The following SFMBT2 variants were observed in gnomAD, a reference collection of about 807,000 sequenced individuals.
SFMBT2 encodes Scm like with four mbt domains 2, also known as scm-like with four MBT domains protein 2.
Under a neutral mutation model 110.1 loss-of-function variants are expected in SFMBT2, and 38 were observed. The ratio of observed to expected loss-of-function variants is 0.35; its 90% confidence interval spans 0.27 to 0.45. The LOEUF (loss-of-function observed/expected upper bound fraction) is 0.45. SFMBT2 is among the 20% of genes least tolerant of loss of function. The probability of loss-of-function intolerance (pLI) is 1.00; values close to 1 mark genes in which losing one functional copy is unlikely to be tolerated. For missense variants in SFMBT2, 1,011 were observed against 1,094.9 expected, an observed-to-expected ratio of 0.92 and a Z score of 1.08; for synonymous variants, 425 against 425.4, an observed-to-expected ratio of 1.00 and a Z score of 0.01.
intron 16 of SFMBT2, among the ~76,000 whole-genome samples, chr10:7,183,914 T>A (rs1474762988): frequency 6.6e-6 from 1 of 152,172 alleles, no homozygotes; most frequent in Non-Finnish European, 1.5e-5. Flanking sequence ...GAGCACTCCC[T>A]CGGTATGAGG....
At chr10:7,194,678 C>A (rs1838714645) in intron 15 of SFMBT2, among the ~76,000 whole-genome samples, 1 of 152,210 alleles carries the variant, frequency 6.6e-6, no homozygotes, top group African/African-American at 2.4e-5. Flanking sequence ...GTGGCACTTA[C>A]ATTTTTCTTG....
chr10:7,226,269 T>C (rs1839893945), intron 10 of SFMBT2, among the ~76,000 whole-genome samples: 2 of 152,216 alleles, frequency 1.3e-5, no homozygotes, highest in African/African-American at 2.4e-5. Context: ...CGTTCAATCA[T>C]AGAAGGATCC....
intron 7 of SFMBT2, among the ~76,000 whole-genome samples, chr10:7,270,425 G>A (rs1841545673): frequency 6.6e-6 from 1 of 152,126 alleles, no homozygotes; most frequent in African/African-American, 2.4e-5. Context: ...CTAAGAAAAT[G>A]ATGTTCTCAC....
Position 7,367,503 on chromosome 10 carries a change from C to A in SFMBT2, c.436+146G>T. 7.4e-7 allele frequency: 1 copy of A among 1,360,340 alleles called. No homozygotes were observed. The highest frequency in any genetic ancestry group is 9.7e-7 in the Non-Finnish European group (1 of 1,028,354). 84.3% of individuals were successfully genotyped at this position (1,360,340 alleles called of 1,614,324 possible). On this transcript the variant is annotated intron_variant, in intron 4 of 20. Coordinates refer to ENST00000397167, the MANE Select transcript of SFMBT2 (RefSeq NM_001387889.1). This position sits in a 1 kb window ranked among gnomAD's most constrained non-coding sequence, Gnocchi z 6.2. ...CTGATCTCCCTCCAGCTAAGGAAACCTGAGAAACCACTCTGAAAGAACTGT... is the reference window on the plus strand; with the variant it reads ...CTGATCTCCCTCCAGCTAAGGAAACATGAGAAACCACTCTGAAAGAACTGT...
chr10:7,211,755 T>C (rs1839357249), intron 11 of SFMBT2, among the ~76,000 whole-genome samples: 1 of 152,226 alleles, frequency 6.6e-6, no homozygotes, highest in African/African-American at 2.4e-5. Flanking sequence ...ATGTAATTGT[T>C]TTCACGTTTA....
At chr10:7,406,285 G>A (rs918172212) in intron 1 of SFMBT2, among the ~76,000 whole-genome samples, 1 of 152,026 alleles carries the variant, frequency 6.6e-6, no homozygotes. Context: ...CTGATAATCT[G>A]ACAAAAATTT....
intron 7 of SFMBT2, among the ~76,000 whole-genome samples, chr10:7,273,201 A>G (rs1841655150): frequency 6.6e-6 from 1 of 152,244 alleles, no homozygotes; most frequent in Non-Finnish European, 1.5e-5. Flanking sequence ...AGCCACTTTT[A>G]GTGAGAAGGA....
At chr10:7,269,459 T>A (rs1841502600) in intron 7 of SFMBT2, among the ~76,000 whole-genome samples, 1 of 152,006 alleles carries the variant, frequency 6.6e-6, no homozygotes, top group Non-Finnish European at 1.5e-5. Flanking sequence ...TCATCTAAAG[T>A]GTAAAAATAA....
At chr10:7,257,742 A>C (rs1031257213) in intron 7 of SFMBT2, among the ~76,000 whole-genome samples, 11 of 152,170 alleles carry the variant, frequency 7.2e-5, no homozygotes, top group Non-Finnish European at 1.6e-4. Context: ...GCTATCACAG[A>C]CTCCGAAAAT....
At chr10:7,198,031 A>C (rs1838834513) in intron 14 of SFMBT2, 2 of 985,456 alleles carry the variant, frequency 2.0e-6, no homozygotes, top group Non-Finnish European at 2.4e-6. Flanking sequence ...GGAAATTCTG[A>C]TGCATTTTTC....
intron 7 of SFMBT2, among the ~76,000 whole-genome samples, chr10:7,253,570 A>G (rs780284304): frequency 3.9e-5 from 6 of 152,188 alleles, no homozygotes; most frequent in Non-Finnish European, 7.3e-5. Context: ...ACAGAAATGC[A>G]TCTGTTTTTC....
intron 2 of SFMBT2, among the ~76,000 whole-genome samples, chr10:7,377,557 T>A (rs1845273853): frequency 6.6e-6 from 1 of 152,162 alleles, no homozygotes; most frequent in Non-Finnish European, 1.5e-5. Context: ...AACTAGACAG[T>A]CCCATCTGGG....
rs1023079330 is a variant in SFMBT2, at chr10:7,408,582, C to T, written c.-52+2279G>A. 5.9e-5 allele frequency among the ~76,000 whole-genome samples: 9 copies of T among 152,318 alleles called. No homozygotes were observed. Among genetic ancestry groups the T allele is most frequent in the Admixed American group, 4.6e-4 (7 of 15,312 alleles). Reference sequence around the variant, plus strand: ...GCCCCCGCCAGCCCCGGGGACCGTGCGCGGCCTCCGTGTGGCCCCCGCCCA... The same window carrying T: ...GCCCCCGCCAGCCCCGGGGACCGTGTGCGGCCTCCGTGTGGCCCCCGCCCA... On this transcript the variant is annotated intron_variant, in intron 1 of 20. Coordinates refer to ENST00000397167, the MANE Select transcript of SFMBT2 (RefSeq NM_001387889.1). The surrounding 1 kb of genome is among the most constrained non-coding windows in gnomAD (Gnocchi z 5.7).
intron 9 of SFMBT2, among the ~76,000 whole-genome samples, chr10:7,235,454 C>T (rs1329048471): frequency 4.6e-5 from 7 of 151,776 alleles, no homozygotes; most frequent in East Asian, 1.9e-4. Flanking sequence ...AGAGTGCTTC[C>T]GCCAGTCTAA....
At chr10:7,324,799 A>C (rs1028498897) in intron 4 of SFMBT2, among the ~76,000 whole-genome samples, 2 of 152,042 alleles carry the variant, frequency 1.3e-5, no homozygotes, top group Non-Finnish European at 2.9e-5. Flanking sequence ...CCATCTTGCT[A>C]CGTGTTCACA....
At chr10:7,283,129 A>AT (rs1588415972) in intron 6 of SFMBT2, among the ~76,000 whole-genome samples, 1 of 152,190 alleles carries the variant, frequency 6.6e-6, no homozygotes, top group African/African-American at 2.4e-5. Flanking sequence ...AACATGCAGC[A>AT]TTTTTTTAGA....
At chr10:7,302,481 AACCCTTG>A (rs1374090176) in intron 4 of SFMBT2, among the ~76,000 whole-genome samples, 10 of 152,366 alleles carry the variant, frequency 6.6e-5, no homozygotes, top group African/African-American at 2.2e-4. Context: ...CTGTGACATC[AACCCTTG>A]ACCCTTGGCA....
rs1842332040 is a variant in SFMBT2, at chr10:7,293,986, C to T, written c.437-8032G>A. Among the ~76,000 whole-genome samples the T allele has an allele frequency of 6.6e-6, 1 of 152,176 alleles. No homozygotes were observed. The highest frequency in any genetic ancestry group is 1.5e-5 in the Non-Finnish European group (1 of 68,032). ...ACATCACTTCCTCGCTGGACATGGC[C>T]ACATCTCATAGTACAATAGGAGGTA... On this transcript the variant is annotated intron_variant, in intron 4 of 20. Coordinates refer to ENST00000397167, the MANE Select transcript of SFMBT2 (RefSeq NM_001387889.1). The surrounding 1 kb of genome is among the most constrained non-coding windows in gnomAD (Gnocchi z 4.6).
At chr10:7,328,262 T>G (rs1843457362) in intron 4 of SFMBT2, among the ~76,000 whole-genome samples, 1 of 152,274 alleles carries the variant, frequency 6.6e-6, no homozygotes, top group African/African-American at 2.4e-5. Context: ...GCCATCTGTA[T>G]ATCTTCTTTG....
Sources: allele counts gnomAD v4.1 joint callset (sites outside exome capture counted in the v4.1 genomes callset), GRCh38; gene constraint gnomAD v4.1.1; non-coding constraint Gnocchi (gnomAD v3.1); transcripts MANE v1.5; gene names NCBI Gene and HGNC (gene_info 2026-07-23, HGNC 2026-07-21).